The following MAGI2 variants were observed in gnomAD, a reference collection of about 807,000 sequenced individuals.
MAGI2 encodes membrane associated guanylate kinase, WW and PDZ domain containing 2.
Under a neutral mutation model 133.3 loss-of-function variants are expected in MAGI2, and 35 were observed. The observed-to-expected ratio is 0.26, with a 90% confidence interval of 0.20 to 0.35. The LOEUF (loss-of-function observed/expected upper bound fraction) is 0.35. Ranked by LOEUF, MAGI2 falls within the 10% of genes least tolerant of loss-of-function variation. The pLI is 1.00. For missense variants in MAGI2, 1,636 were observed against 1,863.4 expected, an observed-to-expected ratio of 0.88 and a Z score of 2.25; for synonymous variants, 729 against 710.6, an observed-to-expected ratio of 1.03 and a Z score of -0.41.
intron 9 of MAGI2, among the ~76,000 whole-genome samples, chr7:78,277,245 TATC>T (rs547459388): frequency 2.0e-5 from 3 of 152,202 alleles, no homozygotes; most frequent in Non-Finnish European, 2.9e-5. Flanking sequence ...CAAGGAAAAT[TATC>T]ATAATTTATT....
At chr7:79,160,155 T>C (rs969164109) in intron 1 of MAGI2, among the ~76,000 whole-genome samples, 9 of 152,124 alleles carry the variant, frequency 5.9e-5, no homozygotes, top group Non-Finnish European at 1.2e-4. Context: ...GAAATTTATG[T>C]TACTGAAAAG....
intron 2 of MAGI2, among the ~76,000 whole-genome samples, chr7:78,774,570 C>A (rs1825837362): frequency 6.6e-6 from 1 of 152,118 alleles, no homozygotes; most frequent in South Asian, 2.1e-4. Flanking sequence ...TGTCAGTTCT[C>A]ATGTCAGCAG....
chr7:78,196,434 T>TA lies in MAGI2; in HGVS notation c.2080-1372dup, dbSNP rs985582496. Among the ~76,000 whole-genome samples the TA allele has an allele frequency of 1.3e-3, 193 of 152,026 alleles. 1 individual carries two copies. The highest frequency in any genetic ancestry group is 4.4e-3 in the African/African-American group (183 of 41,470). On this transcript the variant is annotated intron_variant, in intron 11 of 21. Transcript: ENST00000354212. ...AGTGAGTGAATAAAATATGGCCACT[T>TA]AAAAAAAACAGTTTTGATATACACT...
chr7:78,881,286 A>G (rs909905759), intron 2 of MAGI2, among the ~76,000 whole-genome samples: 1 of 152,084 alleles, frequency 6.6e-6, no homozygotes, highest in African/African-American at 2.4e-5. Context: ...TTACCTGCAC[A>G]TGGAACATAC....
At chr7:78,472,817 C>T (rs1223079839) in intron 6 of MAGI2, among the ~76,000 whole-genome samples, 1 of 152,090 alleles carries the variant, frequency 6.6e-6, no homozygotes, top group Non-Finnish European at 1.5e-5. Context: ...TATAGTGGTA[C>T]TGATGCTTGG....
chr7:79,372,620 G>T (rs1328172067), intron 1 of MAGI2, among the ~76,000 whole-genome samples: 1 of 152,012 alleles, frequency 6.6e-6, no homozygotes, highest in African/African-American at 2.4e-5. Context: ...TATGGAAGGT[G>T]ATTTTGGAAT....
At chr7:78,665,790 T>C (rs1338368456) in intron 2 of MAGI2, among the ~76,000 whole-genome samples, 2 of 152,208 alleles carry the variant, frequency 1.3e-5, no homozygotes, top group African/African-American at 4.8e-5. Flanking sequence ...CATGTCTTCA[T>C]GTATTCATTC....
chr7:78,037,550 C>T lies in MAGI2; in HGVS notation c.3707-17574G>A, dbSNP rs75678704. Among the ~76,000 whole-genome samples the T allele has an allele frequency of 2.9e-3, 448 of 152,156 alleles. 1 individual carries two copies. The highest frequency in any genetic ancestry group is 0.011 in the African/African-American group (437 of 41,498). On this transcript the variant is annotated intron_variant, in intron 21 of 21. Transcript: ENST00000354212. ...GCATTTAGGGCTCATATATAATGGC[C>T]GATTTCAAGCAGGCTTAATTTCATT...
At chr7:79,423,353 A>G (rs530539735) in intron 1 of MAGI2, among the ~76,000 whole-genome samples, 16 of 151,960 alleles carry the variant, frequency 1.1e-4, no homozygotes, top group Admixed American at 4.6e-4. Flanking sequence ...AATTTGCCCC[A>G]GATCCAAAAT....
intron 2 of MAGI2, among the ~76,000 whole-genome samples, chr7:78,799,489 C>T (rs958995291): frequency 7.2e-5 from 11 of 152,100 alleles, no homozygotes; most frequent in Non-Finnish European, 1.2e-4. Context: ...CAATGGGTTT[C>T]GTTATCAACC....
At chr7:78,280,898 C>T (rs1014700073) in intron 9 of MAGI2, among the ~76,000 whole-genome samples, 5 of 149,514 alleles carry the variant, frequency 3.3e-5, no homozygotes, top group African/African-American at 5.0e-5. Context: ...AGCTCTGAAG[C>T]GTGTTGTCTT....
chr7:78,236,761 T>A (rs1790583138), intron 10 of MAGI2, among the ~76,000 whole-genome samples: 3 of 152,314 alleles, frequency 2.0e-5, no homozygotes, highest in Admixed American at 2.0e-4. Flanking sequence ...ATATCCTGTG[T>A]ATTAGTCTGT....
chr7:78,566,363 A>C (rs1360294090), intron 3 of MAGI2, among the ~76,000 whole-genome samples: 2 of 152,104 alleles, frequency 1.3e-5, no homozygotes, highest in Non-Finnish European at 2.9e-5. Context: ...AGTGTGAGAA[A>C]GGCATGGAGG....
At chr7:78,903,175 T>C (rs1797740533) in intron 2 of MAGI2, among the ~76,000 whole-genome samples, 1 of 16,044 alleles carries the variant, frequency 6.2e-5, no homozygotes, top group Non-Finnish European at 1.3e-4. Context: ...CCTGAATCTT[T>C]TTTTTTTTTT....
chr7:78,562,997 G>GTT (rs397758695), intron 3 of MAGI2, among the ~76,000 whole-genome samples: 57 of 138,308 alleles, frequency 4.1e-4, no homozygotes, highest in South Asian at 9.3e-4. Context: ...CTTTTTTGTT[G>GTT]TTTTTTTTTT....
At chr7:78,071,318 C>T (rs980052629) in intron 21 of MAGI2, among the ~76,000 whole-genome samples, 10 of 152,036 alleles carry the variant, frequency 6.6e-5, no homozygotes, top group Non-Finnish European at 1.2e-4. Flanking sequence ...GGCAGATCAC[C>T]TGAGGTCAGG....
intron 2 of MAGI2, among the ~76,000 whole-genome samples, chr7:78,689,259 T>G (rs1816699265): frequency 6.6e-6 from 1 of 152,188 alleles, no homozygotes; most frequent in African/African-American, 2.4e-5. Flanking sequence ...TCATAGATTA[T>G]AACCACAGTA....
chr7:78,354,780 A>G (rs73701314), intron 7 of MAGI2, among the ~76,000 whole-genome samples: 8,475 of 152,264 alleles, frequency 0.056, 338 homozygotes, highest in East Asian at 0.1. Flanking sequence ...TAAGAAAAAA[A>G]TACTTTTGAC....
intron 21 of MAGI2, among the ~76,000 whole-genome samples, chr7:78,066,158 G>A (rs992963733): frequency 6.6e-6 from 1 of 151,982 alleles, no homozygotes; most frequent in African/African-American, 2.4e-5. Flanking sequence ...CTAAAACTTT[G>A]CGTATTAAAT....
Sources: gnomAD v4.1 joint callset for allele counts (sites outside exome capture counted in the v4.1 genomes callset) on GRCh38, gnomAD v4.1.1 for gene constraint, MANE v1.5 for transcripts, NCBI Gene and HGNC (gene_info 2026-07-23, HGNC 2026-07-21) for gene names.